The following TMEM131 variants were observed in gnomAD, a reference collection of about 807,000 sequenced individuals.
TMEM131 encodes 2610524E03Rik.
TMEM131 carries 66 observed loss-of-function variants against 211.6 expected under a neutral mutation model. That is an observed-to-expected ratio of 0.31 (90% CI 0.26 to 0.38). TMEM131 has a LOEUF of 0.38. Among genes scored for constraint, TMEM131 ranks in the 10% least tolerant of loss-of-function variants. The pLI, the probability that TMEM131 is intolerant of heterozygous loss-of-function variation, is 1.00. For synonymous variants in TMEM131, 844 were observed against 841.3 expected, an observed-to-expected ratio of 1.00 and a Z score of -0.06; for missense variants, 2,036 against 2,299.3, an observed-to-expected ratio of 0.89 and a Z score of 2.34.
intron 27 of TMEM131, 44 bp from the exon 28 acceptor site, chr2:97,796,448 T>C: frequency 8.1e-7 from 1 of 1,235,692 alleles, no homozygotes. Context: ...CTTGCCATCA[T>C]GTGCTCCCAG....
intron 1 of TMEM131, among the ~76,000 whole-genome samples, chr2:97,928,765 G>A (rs991470414): frequency 2.0e-5 from 3 of 151,816 alleles, no homozygotes; most frequent in African/African-American, 7.3e-5. Context: ...TAAGTACACA[G>A]ATGGTGGATA....
intron 31 of TMEM131, among the ~76,000 whole-genome samples, 165 bp from the exon 32 acceptor site, chr2:97,776,183 A>G (rs1679718429): frequency 6.6e-6 from 1 of 151,954 alleles, no homozygotes; most frequent in Non-Finnish European, 1.5e-5. Flanking sequence ...CCTCCTGAGT[A>G]GCTGGGACTA....
At chr2:97,769,665 T>C (rs1230323418) in intron 33 of TMEM131, among the ~76,000 whole-genome samples, 1 of 152,262 alleles carries the variant, frequency 6.6e-6, no homozygotes, top group East Asian at 1.9e-4. Flanking sequence ...TATGTAAACA[T>C]ATACTGTTGA....
chr2:97,780,057 AC>A (rs973434478), intron 31 of TMEM131, among the ~76,000 whole-genome samples: 11 of 151,444 alleles, frequency 7.3e-5, no homozygotes, highest in South Asian at 2.1e-4. Context: ...AAACAAACAA[AC>A]AAAAAAAAAC....
chr2:97,830,779 G>A (rs191789996), intron 11 of TMEM131, among the ~76,000 whole-genome samples: 9 of 152,264 alleles, frequency 5.9e-5, no homozygotes, highest in Admixed American at 1.3e-4. Context: ...TTGGACCTGC[G>A]CATCCTGTCT....
chr2:97,792,445 T>C lies in TMEM131; in HGVS notation c.4085A>G (p.Asp1362Gly). Residue 1362 changes from aspartate (D) to glycine (G), a missense_variant, in exon 31 of 41, where the codon GAC becomes GGC. Physicochemically the swap from Asp to Gly is moderately conservative, Grantham distance 94 (BLOSUM62 -1). Transcript: ENST00000186436. ...TGTAAACACTTCTAGGGCTGGGGAG[T>C]CATGGTGGTCGAAGTCTTTGTCCAT... ...EAMDKDFDHH[D>G]SPALEVFTEQ... 6.2e-7 allele frequency: 1 copy of C among 1,612,878 alleles called. No individual in the cohort carries two copies. Among genetic ancestry groups the C allele is most frequent in the Non-Finnish European group, 8.5e-7 (1 of 1,179,426 alleles).
At chr2:97,923,647 AAAAAAAG>A (rs1473934890) in intron 2 of TMEM131, among the ~76,000 whole-genome samples, 14 of 149,360 alleles carry the variant, frequency 9.4e-5, no homozygotes, top group Middle Eastern at 3.6e-3. Flanking sequence ...AAAAAAAAAA[AAAAAAAG>A]ACAAAATTCT....
At chr2:97,853,963 T>C (rs1464422770) in intron 5 of TMEM131, among the ~76,000 whole-genome samples, 3 of 152,194 alleles carry the variant, frequency 2.0e-5, no homozygotes, top group Non-Finnish European at 2.9e-5. Context: ...TACATAAACT[T>C]AGAGGCAGGG....
rs1232543131 is a variant in TMEM131, at chr2:97,794,989, T to C, written c.3327A>G (p.Glu1109=). ...GTTCCCAGTTAGGTCTGGGTAGGGC[T>C]TCTGCACAGGTTGCTAACATATGGT... The part of the protein sequence containing the change: ...LPYHMLATCA[E]ALPRPNWELA... The change falls in exon 29 of 41, where the codon GAA becomes GAG. Residue 1109 remains glutamate (E), a synonymous_variant. Transcript: ENST00000186436. 6.2e-7 allele frequency: 1 copy of C among 1,612,724 alleles called. No individual in the cohort carries two copies. Among genetic ancestry groups the C allele is most frequent in the East Asian group, 2.2e-5 (1 of 44,862 alleles).
In TMEM131 at chr2:97,844,233, A is replaced by T; in HGVS notation, c.512T>A (p.Phe171Tyr). 7.5e-7 allele frequency: 1 copy of T among 1,324,558 alleles called. No homozygotes were observed. The highest frequency in any genetic ancestry group is 9.9e-7 in the Non-Finnish European group (1 of 1,005,328). 82.1% of individuals were successfully genotyped at this position (1,324,558 alleles called of 1,614,324 possible). The change falls in exon 6 of 41, where the codon TTT (phenylalanine) becomes TAT (tyrosine). Residue 171 changes from phenylalanine to tyrosine, a missense_variant. By Grantham distance (22) the Phe-to-Tyr change is conservative. Coordinates refer to ENST00000186436, the MANE Select transcript of TMEM131 (RefSeq NM_015348.2). ...RKILPGGNTS[F>Y]DVVFLARVVG... ...TACTCTTGCAAGAAAAACTACATCA[A>T]ATGATGTATTTCCTCCTGGAAGAAT... is the stretch of plus-strand genomic sequence containing the variant.
intron 2 of TMEM131, among the ~76,000 whole-genome samples, chr2:97,914,230 T>A (rs1245792702): frequency 6.6e-6 from 1 of 152,214 alleles, no homozygotes; most frequent in African/African-American, 2.4e-5. Context: ...TTCACTGAGA[T>A]AACTGTAGAT....
At chr2:97,985,303 G>T (rs1483535827) in intron 1 of TMEM131, among the ~76,000 whole-genome samples, 2 of 151,870 alleles carry the variant, frequency 1.3e-5, no homozygotes, top group African/African-American at 4.8e-5. Flanking sequence ...TGAATAAGTT[G>T]TTAATTATGT....
At chr2:97,761,951 G>A (rs1177096879) in intron 36 of TMEM131, 84 bp downstream of exon 36, 31 of 1,387,292 alleles carry the variant, frequency 2.2e-5, no homozygotes, top group Non-Finnish European at 2.6e-5. Flanking sequence ...GCCTGTGGCC[G>A]CTAAGTGTTT....
At chr2:97,971,343 G>A (rs1278458805) in intron 1 of TMEM131, among the ~76,000 whole-genome samples, 1 of 151,964 alleles carries the variant, frequency 6.6e-6, no homozygotes, top group Non-Finnish European at 1.5e-5. Context: ...AAGAACATAA[G>A]GCATTAGCTG....
At chr2:97,900,891 C>A (rs1261035187) in intron 3 of TMEM131, among the ~76,000 whole-genome samples, 2 of 152,038 alleles carry the variant, frequency 1.3e-5, no homozygotes, top group Non-Finnish European at 2.9e-5. Context: ...TATCTTTTGT[C>A]TTTTTGATGA....
intron 8 of TMEM131, among the ~76,000 whole-genome samples, chr2:97,835,943 A>C (rs1682921275): frequency 6.6e-6 from 1 of 152,182 alleles, no homozygotes. Flanking sequence ...ACTATTTAAA[A>C]ATCTGAATTC....
intron 3 of TMEM131, among the ~76,000 whole-genome samples, chr2:97,902,931 A>G (rs1316636274): frequency 6.6e-6 from 1 of 152,152 alleles, no homozygotes. Context: ...TGGGACTCAG[A>G]CTGGCTCTCC....
chr2:97,874,868 C>G (rs181045971), intron 4 of TMEM131, among the ~76,000 whole-genome samples: 1 of 152,044 alleles, frequency 6.6e-6, no homozygotes, highest in Non-Finnish European at 1.5e-5. Flanking sequence ...TTACACATAA[C>G]AATATTAAAC....
intron 1 of TMEM131, among the ~76,000 whole-genome samples, chr2:97,982,474 T>C (rs1367214705): frequency 6.6e-6 from 1 of 152,206 alleles, no homozygotes; most frequent in African/African-American, 2.4e-5. Context: ...TTTTCTGCTT[T>C]CTTTATAGGG....
Sources: gnomAD v4.1 joint callset for allele counts (sites outside exome capture counted in the v4.1 genomes callset) on GRCh38, gnomAD v4.1.1 for gene constraint, MANE v1.5 for transcripts, NCBI Gene and HGNC (gene_info 2026-07-23, HGNC 2026-07-21) for gene names.